Variants in SPOCK3 observed in about 807,000 individuals in gnomAD.
SPOCK3 encodes the protein SPARC (osteonectin), cwcv and kazal like domains proteoglycan 3.
SPOCK3 carries 30 observed loss-of-function variants against 56.6 expected under a neutral mutation model. That is an observed-to-expected ratio of 0.53 (90% CI 0.40 to 0.72). The LOEUF (loss-of-function observed/expected upper bound fraction) is 0.72, where lower values mean the gene tolerates loss of function less well. Among genes scored for constraint, SPOCK3 ranks in the 30% least tolerant of loss-of-function variants. The pLI is 0.00. For synonymous variants in SPOCK3, 196 were observed against 183.3 expected (o/e 1.07, Z -0.56); for missense variants, 527 against 530.0 (o/e 0.99, Z 0.06).
chr4:167,160,579 G>A (rs996202977), intron 2 of SPOCK3, among the ~76,000 whole-genome samples: 27 of 145,304 alleles, frequency 1.9e-4, no homozygotes, highest in African/African-American at 3.1e-4. Flanking sequence ...AGCCCGCATC[G>A]CCAAGTAATC....
intron 5 of SPOCK3, among the ~76,000 whole-genome samples, chr4:166,899,470 A>G (rs927555299): frequency 2.7e-5 from 4 of 150,858 alleles, no homozygotes; most frequent in African/African-American, 9.7e-5. Flanking sequence ...GATAAACTCT[A>G]ACAAAGTTTG....
At chr4:166,961,603 C>G (rs1196800755) in intron 4 of SPOCK3, among the ~76,000 whole-genome samples, 4 of 151,668 alleles carry the variant, frequency 2.6e-5, no homozygotes, top group Non-Finnish European at 4.4e-5. Flanking sequence ...GCTTCTGGCT[C>G]AAGTTTATTC....
intron 6 of SPOCK3, among the ~76,000 whole-genome samples, chr4:166,888,658 A>C (rs1307945378): frequency 6.6e-6 from 1 of 152,062 alleles, no homozygotes; most frequent in Non-Finnish European, 1.5e-5. Context: ...TTTAACTTAT[A>C]AAATTATTAC....
chr4:167,233,699 G>A (rs1737418409), intron 2 of SPOCK3, among the ~76,000 whole-genome samples: 1 of 152,162 alleles, frequency 6.6e-6, no homozygotes, highest in Non-Finnish European at 1.5e-5. Flanking sequence ...CCAGCACTTT[G>A]TAACCTTTGT....
intron 3 of SPOCK3, among the ~76,000 whole-genome samples, chr4:167,057,860 C>A (rs1367282743): frequency 6.6e-6 from 1 of 152,150 alleles, no homozygotes; most frequent in African/African-American, 2.4e-5. Context: ...ACCCCACTGT[C>A]AACATTAGAC....
At chr4:166,874,212 A>G (rs544981173) in intron 6 of SPOCK3, among the ~76,000 whole-genome samples, 2 of 151,940 alleles carry the variant, frequency 1.3e-5, no homozygotes, top group South Asian at 2.1e-4. Flanking sequence ...CTAATACTCA[A>G]CCCCACCATG....
At chr4:167,145,700 A>G (rs552353423) in intron 2 of SPOCK3, among the ~76,000 whole-genome samples, 1 of 152,282 alleles carries the variant, frequency 6.6e-6, no homozygotes, top group Admixed American at 6.5e-5. Flanking sequence ...TTTCATATCC[A>G]GCCAAACTAA....
chr4:166,774,674 C>T (rs186911858), intron 7 of SPOCK3, among the ~76,000 whole-genome samples: 10 of 152,242 alleles, frequency 6.6e-5, no homozygotes, highest in South Asian at 2.1e-4. Flanking sequence ...CTGCCTCTGA[C>T]GACTTTTAGA....
At chr4:166,814,634 G>T (rs1370823144) in intron 6 of SPOCK3, among the ~76,000 whole-genome samples, 3 of 152,064 alleles carry the variant, frequency 2.0e-5, no homozygotes, top group Admixed American at 2.0e-4. Flanking sequence ...TACACCAGTG[G>T]TTTGTTGGGG....
chr4:166,746,363 A>C (rs1475163722), intron 8 of SPOCK3, among the ~76,000 whole-genome samples: 1 of 152,242 alleles, frequency 6.6e-6, no homozygotes, highest in Admixed American at 6.5e-5. Flanking sequence ...AACTACATGG[A>C]AACTGAACAA....
intron 7 of SPOCK3, among the ~76,000 whole-genome samples, chr4:166,769,238 G>A (rs555870801): frequency 3.3e-5 from 5 of 152,290 alleles, no homozygotes; most frequent in Middle Eastern, 3.4e-3. Flanking sequence ...GAGGAGCTGC[G>A]TTCCTTTGGA....
chr4:167,074,732 A>G (rs1308376649), intron 2 of SPOCK3, among the ~76,000 whole-genome samples: 1 of 151,926 alleles, frequency 6.6e-6, no homozygotes, highest in Non-Finnish European at 1.5e-5. Context: ...GTTCTCTTCC[A>G]CAGAGGGAGG....
rs374212360 is a variant in SPOCK3 at position 166,751,782 on chromosome 4, T to C, written c.931+2726A>G. On this transcript the variant is annotated intron_variant, in intron 8 of 10. Coordinates refer to ENST00000357545, the MANE Select transcript of SPOCK3 (RefSeq NM_001040159.2). Reference sequence around the variant, plus strand: ...GAGTAAGTAAAAGTAGACATACTTTTATGAAAGCACATTCTTAACACGTAA... The same window carrying C: ...GAGTAAGTAAAAGTAGACATACTTTCATGAAAGCACATTCTTAACACGTAA... Among the ~76,000 whole-genome samples the C allele has an allele frequency of 2.8e-4, 43 of 152,272 alleles. No individual in the cohort carries two copies. In the South Asian group the frequency reaches 8.9e-3, roughly 32 times the overall value.
Position 166,841,881 on chromosome 4 carries a change from T to G in SPOCK3, c.589+47249A>C, listed in dbSNP as rs1579387298. Among the ~76,000 whole-genome samples, 3 of 152,204 alleles carry G rather than the reference T, an allele frequency of 2.0e-5. No homozygotes were observed. The East Asian group carries it at 5.8e-4, about 29-fold the overall frequency. On this transcript the variant is annotated intron_variant, in intron 6 of 10. Transcript: ENST00000357545. ...TGCACTGACTTCAAGAATGAAGCCG[T>G]GGACCCTTGCGATGAGTGTTACAGT...
At chr4:167,153,903 A>AGC (rs1764605287) in intron 2 of SPOCK3, among the ~76,000 whole-genome samples, 1 of 16,178 alleles carries the variant, frequency 6.2e-5, no homozygotes, top group South Asian at 4.5e-3. Flanking sequence ...GGTAGATTTC[A>AGC]GGGAAAAACT....
At chr4:166,866,384 G>A (rs1299218394) in intron 6 of SPOCK3, among the ~76,000 whole-genome samples, 1 of 152,100 alleles carries the variant, frequency 6.6e-6, no homozygotes, top group Non-Finnish European at 1.5e-5. Flanking sequence ...AAGACTTCAT[G>A]ACTAAAACCC....
intron 2 of SPOCK3, among the ~76,000 whole-genome samples, chr4:167,084,946 C>G (rs547132735): frequency 7.2e-5 from 11 of 152,026 alleles, no homozygotes; most frequent in Admixed American, 2.0e-4. Flanking sequence ...CAGTGGGAGG[C>G]TTATTAATTG....
At chr4:166,872,271 T>C (rs1192263056) in intron 6 of SPOCK3, among the ~76,000 whole-genome samples, 2 of 151,878 alleles carry the variant, frequency 1.3e-5, no homozygotes, top group Admixed American at 6.6e-5. Flanking sequence ...TATAGAGAAA[T>C]AAAATTATCT....
At chr4:166,909,821 C>T (rs1737057876) in intron 5 of SPOCK3, among the ~76,000 whole-genome samples, 1 of 152,084 alleles carries the variant, frequency 6.6e-6, no homozygotes. Context: ...ATTTAGTGAT[C>T]CAAGAGCCAG....
Sources: gnomAD v4.1 joint callset for allele counts (sites outside exome capture counted in the v4.1 genomes callset) on GRCh38, gnomAD v4.1.1 for gene constraint, MANE v1.5 for transcripts, NCBI Gene and HGNC (gene_info 2026-07-23, HGNC 2026-07-21) for gene names.